The following EXOC6B variants were observed in gnomAD, a reference collection of about 807,000 sequenced individuals.
EXOC6B encodes SEC15 homolog B.
A neutral mutation model predicts 113.5 loss-of-function variants in EXOC6B; 54 were observed. The ratio of observed to expected loss-of-function variants is 0.48; its 90% confidence interval spans 0.38 to 0.60. EXOC6B has a LOEUF of 0.60. Among genes scored for constraint, EXOC6B ranks in the 20% least tolerant of loss-of-function variants. EXOC6B has a pLI of 0.00. For missense variants in EXOC6B, 797 were observed against 977.5 expected (o/e 0.82, Z 2.46); for synonymous variants, 357 against 339.0 (o/e 1.05, Z -0.58).
intron 20 of EXOC6B, among the ~76,000 whole-genome samples, chr2:72,279,097 C>T (rs1366257198): frequency 2.0e-5 from 3 of 152,202 alleles, no homozygotes; most frequent in East Asian, 3.9e-4. Context: ...CCAATAGTTG[C>T]TCCATGATAC....
intron 18 of EXOC6B, among the ~76,000 whole-genome samples, chr2:72,401,545 GTGTATATATATATATA>G (rs1693215218): frequency 1.9e-4 from 2 of 10,534 alleles, no homozygotes; most frequent in East Asian, 9.7e-4. Context: ...ATATATATAT[GTGTATATATATATATA>G]TATACATATA....
chr2:72,796,356 G>A (rs893895633), intron 1 of EXOC6B, among the ~76,000 whole-genome samples: 1 of 151,336 alleles, frequency 6.6e-6, no homozygotes, highest in Non-Finnish European at 1.5e-5. Flanking sequence ...GGGAGACTGA[G>A]GCAGGAGAAT....
rs114573218 is a variant in EXOC6B at position 72,238,685 on chromosome 2, G to A, written c.2197-54498C>T. Reference sequence around the variant, plus strand: ...TAAGCATTTTGTTCATGTAATTGTTGGCCATTTGTATATTTTCTTTGGAGA... The same window carrying A: ...TAAGCATTTTGTTCATGTAATTGTTAGCCATTTGTATATTTTCTTTGGAGA... On this transcript the variant is annotated intron_variant, in intron 20 of 21. Transcript: ENST00000272427. Among the ~76,000 whole-genome samples the A allele has an allele frequency of 8.2e-3, 1,240 of 151,812 alleles. 9 individuals are homozygous for A. Among genetic ancestry groups the A allele is most frequent in the Non-Finnish European group, 0.014 (925 of 67,952 alleles).
intron 17 of EXOC6B, among the ~76,000 whole-genome samples, chr2:72,479,511 T>G (rs1401656581): frequency 6.6e-6 from 1 of 152,162 alleles, no homozygotes; most frequent in Non-Finnish European, 1.5e-5. Context: ...GTATATTTAA[T>G]TAATATCAAT....
chr2:72,191,364 A>G (rs548557940), intron 20 of EXOC6B, among the ~76,000 whole-genome samples: 193 of 152,294 alleles, frequency 1.3e-3, no homozygotes, highest in African/African-American at 4.5e-3. Context: ...TTCTGATTTC[A>G]TGGAGGGTGG....
intron 20 of EXOC6B, among the ~76,000 whole-genome samples, chr2:72,195,082 A>C (rs1284874650): frequency 6.6e-6 from 1 of 152,054 alleles, no homozygotes; most frequent in Non-Finnish European, 1.5e-5. Flanking sequence ...AGAAATATTT[A>C]TTTGCCGCAT....
At chr2:72,184,020 C>A (rs1464503231) in intron 21 of EXOC6B, 55 bp downstream of exon 21, 2 of 1,011,540 alleles carry the variant, frequency 2.0e-6, no homozygotes, top group East Asian at 5.4e-5. Flanking sequence ...TCTACGCCAA[C>A]CCCCAATCCC....
At chr2:72,442,100 T>C (rs1242849668) in intron 18 of EXOC6B, among the ~76,000 whole-genome samples, 1 of 152,094 alleles carries the variant, frequency 6.6e-6, no homozygotes, top group Non-Finnish European at 1.5e-5. Flanking sequence ...GTTCAACATA[T>C]GCAAATCAAT....
At chr2:72,295,667 T>G (rs1686087816) in intron 20 of EXOC6B, among the ~76,000 whole-genome samples, 1 of 152,190 alleles carries the variant, frequency 6.6e-6, no homozygotes, top group Non-Finnish European at 1.5e-5. Flanking sequence ...CTTAAAGAAC[T>G]ACTTTCTGAA....
intron 6 of EXOC6B, among the ~76,000 whole-genome samples, chr2:72,621,554 C>T (rs1172212666): frequency 6.6e-6 from 1 of 152,094 alleles, no homozygotes; most frequent in African/African-American, 2.4e-5. Context: ...CTATTGGGTA[C>T]TATGCTCACT....
chr2:72,220,657 G>A (rs192119637), intron 20 of EXOC6B, among the ~76,000 whole-genome samples: 2 of 152,052 alleles, frequency 1.3e-5, no homozygotes, highest in East Asian at 1.9e-4. Context: ...AGGGAAATTC[G>A]TGACAACATC....
At chr2:72,770,588 C>T (rs1453466277) in intron 1 of EXOC6B, among the ~76,000 whole-genome samples, 1 of 152,048 alleles carries the variant, frequency 6.6e-6, no homozygotes, top group African/African-American at 2.4e-5. Flanking sequence ...GTTTTCTTGC[C>T]AAATGAATTA....
chr2:72,177,115 A>G lies in EXOC6B; in HGVS notation c.*2220T>C, dbSNP rs966591749. 1.3e-5 allele frequency: 2 copies of G among 152,146 alleles called. No individual in the cohort carries two copies. The highest frequency in any genetic ancestry group is 2.9e-5 in the Non-Finnish European group (2 of 68,034). The allele number at this position is 152,146 out of a possible 1,614,324, so 9.4% of individuals were successfully genotyped here. A position where few individuals can be genotyped will look rare whatever the true frequency, so the allele number is the denominator to read the frequency against. On this transcript the variant is annotated 3_prime_UTR_variant, in exon 22 of 22. Coordinates refer to ENST00000272427, the MANE Select transcript of EXOC6B (RefSeq NM_015189.3). ...TGAAGGCAGACTAAGAATGGAGAGAAGATATATCAAAGGGTCCATCTTTAT... is the reference window on the plus strand; with the variant it reads ...TGAAGGCAGACTAAGAATGGAGAGAGGATATATCAAAGGGTCCATCTTTAT...
intron 11 of EXOC6B, among the ~76,000 whole-genome samples, chr2:72,507,408 T>C (rs553542234): frequency 1.6e-4 from 25 of 152,242 alleles, no homozygotes; most frequent in African/African-American, 6.0e-4. Context: ...TCCCATACCA[T>C]ATAACTCACC....
intron 7 of EXOC6B, among the ~76,000 whole-genome samples, chr2:72,570,906 A>G (rs1373479519): frequency 6.6e-6 from 1 of 152,204 alleles, no homozygotes; most frequent in African/African-American, 2.4e-5. Flanking sequence ...TAATGCCACA[A>G]CAGTAACTAT....
intron 8 of EXOC6B, chr2:72,515,380 CA>C (rs1701158770): frequency 8.6e-7 from 1 of 1,156,158 alleles, no homozygotes; most frequent in South Asian, 2.3e-5. Context: ...ACCAGCACAC[CA>C]AAGCTGGTTT....
intron 18 of EXOC6B, among the ~76,000 whole-genome samples, chr2:72,450,980 G>A (rs1696876433): frequency 6.6e-6 from 1 of 152,086 alleles, no homozygotes; most frequent in Non-Finnish European, 1.5e-5. Context: ...TGAAGGGAAG[G>A]GAAACCCTAA....
intron 18 of EXOC6B, among the ~76,000 whole-genome samples, chr2:72,427,374 C>T (rs905002083): frequency 7.9e-5 from 12 of 152,174 alleles, no homozygotes; most frequent in Non-Finnish European, 1.5e-5. Context: ...TCTGCACCCT[C>T]AGGGGCCCAG....
intron 6 of EXOC6B, among the ~76,000 whole-genome samples, chr2:72,695,033 T>G (rs2104605533): frequency 6.6e-6 from 1 of 152,352 alleles, no homozygotes; most frequent in South Asian, 2.1e-4. Flanking sequence ...CAATTATCTT[T>G]CACCTTTGGC....
Sources: allele counts gnomAD v4.1 joint callset (sites outside exome capture counted in the v4.1 genomes callset), GRCh38; gene constraint gnomAD v4.1.1; transcripts MANE v1.5; gene names NCBI Gene and HGNC (gene_info 2026-07-23, HGNC 2026-07-21).